Variants in PCDHB2 observed in about 807,000 individuals in gnomAD.
PCDHB2 encodes protocadherin beta-2.
For missense variants in PCDHB2, 914 were observed against 1,023.1 expected, an observed-to-expected ratio of 0.89 and a Z score of 1.45; for synonymous variants, 395 against 464.9, an observed-to-expected ratio of 0.85 and a Z score of 1.93.
In PCDHB2 at chr5:141,094,760, TGGAG is replaced by T; in HGVS notation, c.-30_-27del. The T allele has an allele frequency of 6.7e-7, 1 of 1,502,094 alleles. No homozygotes were observed. Among genetic ancestry groups the T allele is most frequent in the South Asian group, 1.3e-5 (1 of 75,808 alleles). The allele number at this position is 1,502,094 out of a possible 1,614,324, so 93.0% of individuals were successfully genotyped here. On this transcript the variant is annotated 5_prime_UTR_variant, in exon 1 of 1. Transcript: ENST00000194155. Reference sequence around the variant, plus strand: ...AGTTAGCGACAACGTGAGCCAGAGCTGGAGCACGTTTGGTGAGAGACCAGAAAGC... The same window carrying T: ...AGTTAGCGACAACGTGAGCCAGAGCTCACGTTTGGTGAGAGACCAGAAAGC...
chr5:141,098,342 G>A lies in PCDHB2; in HGVS notation c.*1155G>A, dbSNP rs1291532185. The A allele has an allele frequency of 6.6e-6, 1 of 151,972 alleles. No individual in the cohort carries two copies. Among genetic ancestry groups the A allele is most frequent in the Non-Finnish European group, 1.5e-5 (1 of 67,992 alleles). 9.4% of individuals were successfully genotyped at this position (151,972 alleles called of 1,614,324 possible). ...AAAATTTGAGGGAGTACATGTCTTT[G>A]TCCTTTACCTTTAGAACCCTCAAAC... On this transcript the variant is annotated 3_prime_UTR_variant, in exon 1 of 1. Coordinates refer to ENST00000194155, the MANE Select transcript of PCDHB2 (RefSeq NM_018936.4).
In PCDHB2 at chr5:141,096,887, G is replaced by A; in HGVS notation, c.2097G>A (p.Val699=). 1 of 1,611,926 alleles carries A rather than the reference G, an allele frequency of 6.2e-7. No individual in the cohort carries two copies. The highest frequency in any genetic ancestry group is 8.5e-7 in the Non-Finnish European group (1 of 1,179,822). ...ACCTGGTGGTGGCGTTGGCCTCGGT[G>A]TCTTCGCTCTTCCTCTTCTCGGTGC... ...TVYLVVALAS[V]SSLFLFSVLL... is the part of the protein sequence containing the mutation. The change falls in exon 1 of 1, where the codon GTG becomes GTA. Residue 699 remains valine (V), a synonymous_variant. Coordinates refer to ENST00000194155, the MANE Select transcript of PCDHB2 (RefSeq NM_018936.4).
rs782192119 is a variant in PCDHB2, at chr5:141,096,441, G to C, written c.1651G>C (p.Val551Leu). 19 of 1,611,234 alleles carry C rather than the reference G, an allele frequency of 1.2e-5. No individual in the cohort carries two copies. The highest frequency in any genetic ancestry group is 1.5e-5 in the Non-Finnish European group (18 of 1,179,422). ...PALSSEALVR[V>L]LVLDANDNSP... is the part of the protein sequence containing the mutation. ...GTTGAGCAGCGAGGCGCTGGTGCGC[G>C]TGCTGGTGCTGGACGCCAACGACAA... The change falls in exon 1 of 1, where the codon GTG becomes CTG. Residue 551 changes from valine to leucine, a missense_variant. Physicochemically the swap from Val to Leu is conservative, Grantham distance 32. Transcript: ENST00000194155.
At position 141,098,541 on chromosome 5, in the gene PCDHB2, G is replaced by A. The variant is rs1229399124; in HGVS notation, c.*1354G>A. ...CTTTTCAATGCTTTTTTATAAAGGTGCTTGAGTTCTGTTTCTCAACAGCTC... is the reference window on the plus strand; with the variant it reads ...CTTTTCAATGCTTTTTTATAAAGGTACTTGAGTTCTGTTTCTCAACAGCTC... On this transcript the variant is annotated 3_prime_UTR_variant, in exon 1 of 1. Coordinates refer to ENST00000194155, the MANE Select transcript of PCDHB2 (RefSeq NM_018936.4). 5 of 151,974 alleles carry A rather than the reference G, an allele frequency of 3.3e-5. No homozygotes were observed. The highest frequency in any genetic ancestry group is 1.2e-4 in the African/African-American group (5 of 41,354). The allele number at this position is 151,974 out of a possible 1,614,324, so 9.4% of individuals were successfully genotyped here. A position where few individuals can be genotyped will look rare whatever the true frequency, so the allele number is the denominator to read the frequency against.
chr5:141,094,917 A>G lies in PCDHB2; in HGVS notation c.127A>G (p.Ser43Gly). 6.2e-7 allele frequency: 1 copy of G among 1,614,166 alleles called. No homozygotes were observed. Among genetic ancestry groups the G allele is most frequent in the Non-Finnish European group, 8.5e-7 (1 of 1,180,036 alleles). Residue 43 changes from serine (S) to glycine (G), a missense_variant, in exon 1 of 1, where the codon AGT becomes GGT. Transcript: ENST00000194155. The stretch of plus-strand genomic sequence containing the variant: ...CTATTCAGTGGCCGAGGAAACGGAG[A>G]GTGGCTCCTTTGTGGCCAATTTGTT... Reference protein sequence around the residue: ...RHYSVAEETESGSFVANLLKD... With the variant: ...RHYSVAEETEGGSFVANLLKD...
In PCDHB2 at chr5:141,098,658, C is replaced by G. The variant is rs1276462960; in HGVS notation, c.*1471C>G. On this transcript the variant is annotated 3_prime_UTR_variant, in exon 1 of 1. Coordinates refer to ENST00000194155, the MANE Select transcript of PCDHB2 (RefSeq NM_018936.4). ...ATTGAAAGAGAGAAAAGTATTTTAC[C>G]TGTGATATATTGATATTTAAATAAA... The G allele has an allele frequency of 6.6e-6, 1 of 152,062 alleles. No individual in the cohort carries two copies. The highest frequency in any genetic ancestry group is 1.5e-5 in the Non-Finnish European group (1 of 68,006). 9.4% of individuals were successfully genotyped at this position (152,062 alleles called of 1,614,324 possible).
rs1554271603 is a variant in PCDHB2 at position 141,096,692 on chromosome 5, G to T, written c.1902G>T (p.Glu634Asp). Reference protein sequence around the residue: ...GEVRTARLLRERDAAKQRLVV... With the variant: ...GEVRTARLLRDRDAAKQRLVV... ...TGCGCACCGCCAGGCTGCTGAGGGA[G>T]CGCGACGCTGCCAAGCAGAGGCTGG... is the stretch of plus-strand genomic sequence containing the variant. The change falls in exon 1 of 1, where the codon GAG becomes GAT. Residue 634 changes from glutamate to aspartate, a missense_variant. Transcript: ENST00000194155. The T allele has an allele frequency of 2.5e-6, 4 of 1,610,584 alleles. No individual in the cohort carries two copies. Among genetic ancestry groups the T allele is most frequent in the South Asian group, 1.1e-5 (1 of 90,976 alleles).
rs782738716 is a variant in PCDHB2, at chr5:141,096,287, C to T, written c.1497C>T (p.His499=). Residue 499 remains histidine (H), a synonymous_variant, in exon 1 of 1, where the codon CAC becomes CAT. Transcript: ENST00000194155. ...CGCTGCTGCCGCCCCAGGACCCGCACCTGCCCCTCGCCTCCCTGGTCTCCA... is the reference window on the plus strand; with the variant it reads ...CGCTGCTGCCGCCCCAGGACCCGCATCTGCCCCTCGCCTCCCTGGTCTCCA... ...TYSLLPPQDP[H]LPLASLVSIN... The T allele has an allele frequency of 3.1e-6, 5 of 1,613,360 alleles. No individual in the cohort carries two copies. The South Asian group carries it at 5.5e-5, about 18-fold the overall frequency.
Position 141,095,218 on chromosome 5 carries a change from A to T in PCDHB2, c.428A>T (p.Lys143Ile). ...TTCCTAGACAAAGAAATACTTTTGA[A>T]AATTCCAGAAAGTATCACTCCTGGA... is the stretch of plus-strand genomic sequence containing the variant. ...PVFLDKEILL[K>I]IPESITPGTT... Residue 143 changes from lysine (K) to isoleucine (I), a missense_variant, in exon 1 of 1, where the codon AAA becomes ATA. Coordinates refer to ENST00000194155, the MANE Select transcript of PCDHB2 (RefSeq NM_018936.4). 1 of 1,612,002 alleles carries T rather than the reference A, an allele frequency of 6.2e-7. No individual in the cohort carries two copies. The highest frequency in any genetic ancestry group is 1.3e-5 in the African/African-American group (1 of 74,896).
Position 141,095,444 on chromosome 5 carries a change from T to C in PCDHB2, c.654T>C (p.Asp218=), listed in dbSNP as rs974686643. The C allele has an allele frequency of 2.5e-6, 4 of 1,614,026 alleles. No individual in the cohort carries two copies. Among genetic ancestry groups the C allele is most frequent in the Admixed American group, 1.7e-5 (1 of 60,010 alleles). ...TCAGGTTAACCCTCACAGCGCTAGA[T>C]GGCGGGAGTCCACCCAGGTCCGGCA... ...PEIRLTLTAL[D]GGSPPRSGTA... is the part of the protein sequence containing the mutation. The change falls in exon 1 of 1, where the codon GAT becomes GAC. Residue 218 remains aspartate (D), a synonymous_variant. Coordinates refer to ENST00000194155, the MANE Select transcript of PCDHB2 (RefSeq NM_018936.4).
chr5:141,094,754 C>T lies in PCDHB2; in HGVS notation c.-37C>T. 6.7e-7 allele frequency: 1 copy of T among 1,482,470 alleles called. No homozygotes were observed. The highest frequency in any genetic ancestry group is 9.1e-7 in the Non-Finnish European group (1 of 1,100,494). 91.8% of individuals were successfully genotyped at this position (1,482,470 alleles called of 1,614,324 possible). A position where few individuals can be genotyped will look rare whatever the true frequency, so the allele number is the denominator to read the frequency against. On this transcript the variant is annotated 5_prime_UTR_variant, in exon 1 of 1. Coordinates refer to ENST00000194155, the MANE Select transcript of PCDHB2 (RefSeq NM_018936.4). ...AGATAGAGTTAGCGACAACGTGAGC[C>T]AGAGCTGGAGCACGTTTGGTGAGAG...
In PCDHB2 at chr5:141,096,839, C is replaced by T. The variant is rs146418411; in HGVS notation, c.2049C>T (p.Ala683=). Residue 683 remains alanine, a synonymous_variant, in exon 1 of 1, where the codon GCC becomes GCT. Transcript: ENST00000194155. ...LLLPEAAPAQ[A]QADLLTVYLV... ...TCCCGGAGGCGGCACCGGCCCAGGC[C>T]CAGGCCGACTTGCTCACCGTCTACC... 7.4e-6 allele frequency: 12 copies of T among 1,611,014 alleles called. No homozygotes were observed. In the African/African-American group the frequency reaches 1.3e-4, roughly 18 times the overall value.
chr5:141,097,044 C>T lies in PCDHB2; in HGVS notation c.2254C>T (p.Gln752Ter). ...CACCGGGACCCTGTCCCAGAGCTAC[C>T]AGTACGAGGTGTGTCTGACTGGAGG... ...SGTGTLSQSY[Q>*]YEVCLTGGSG... The change falls in exon 1 of 1, where the codon CAG becomes TAG. Residue 752 changes from glutamine (Q) to a stop codon, truncating the protein, a stop_gained. Transcript: ENST00000194155. LOFTEE classifies it low-confidence loss of function (END_TRUNC). 1.2e-6 allele frequency: 2 copies of T among 1,613,896 alleles called. No homozygotes were observed. The highest frequency in any genetic ancestry group is 8.5e-7 in the Non-Finnish European group (1 of 1,179,824).
In PCDHB2 at chr5:141,095,245, C is replaced by G; in HGVS notation, c.455C>G (p.Thr152Ser). The change falls in exon 1 of 1, where the codon ACT becomes AGT. Residue 152 changes from threonine to serine, a missense_variant. By Grantham distance (58) the Thr-to-Ser change is moderately conservative. Coordinates refer to ENST00000194155, the MANE Select transcript of PCDHB2 (RefSeq NM_018936.4). ...ATTCCAGAAAGTATCACTCCTGGAA[C>G]TACTTTCTTAATAGAACGTGCCCAG... Reference protein sequence around the residue: ...LKIPESITPGTTFLIERAQDL... With the variant: ...LKIPESITPGSTFLIERAQDL... 1 of 1,613,890 alleles carries G rather than the reference C, an allele frequency of 6.2e-7. No homozygotes were observed. The highest frequency in any genetic ancestry group is 8.5e-7 in the Non-Finnish European group (1 of 1,179,828).
rs1287292730 is a variant in PCDHB2 at position 141,098,023 on chromosome 5, GTTGACATATGAAAAGTA to G, written c.*839_*855del. The G allele has an allele frequency of 6.6e-6, 1 of 152,182 alleles. No individual in the cohort carries two copies. Among genetic ancestry groups the G allele is most frequent in the African/African-American group, 2.4e-5 (1 of 41,436 alleles). The allele number at this position is 152,182 out of a possible 1,614,324, so 9.4% of individuals were successfully genotyped here. On this transcript the variant is annotated 3_prime_UTR_variant, in exon 1 of 1. Transcript: ENST00000194155. Reference sequence around the variant, plus strand: ...TCCAATATGTATACTTCTTTCAAGTGTTGACATATGAAAAGTATTAGTCTTTAGAGATTGTAAGAATT... The same window carrying G: ...TCCAATATGTATACTTCTTTCAAGTGTTAGTCTTTAGAGATTGTAAGAATT...
In PCDHB2 at chr5:141,096,257, C is replaced by T. The variant is rs1554271446; in HGVS notation, c.1467C>T (p.Thr489=). ...DRDSGTNAQV[T]YSLLPPQDPH... ...ACTCGGGCACCAACGCCCAGGTCACCTACTCGCTGCTGCCGCCCCAGGACC... is the reference window on the plus strand; with the variant it reads ...ACTCGGGCACCAACGCCCAGGTCACTTACTCGCTGCTGCCGCCCCAGGACC... The change falls in exon 1 of 1, where the codon ACC becomes ACT. Residue 489 remains threonine (T), a synonymous_variant. Coordinates refer to ENST00000194155, the MANE Select transcript of PCDHB2 (RefSeq NM_018936.4). 1.2e-6 allele frequency: 2 copies of T among 1,613,138 alleles called. No homozygotes were observed. Among genetic ancestry groups the T allele is most frequent in the South Asian group, 1.1e-5 (1 of 91,028 alleles).
At position 141,096,167 on chromosome 5, in the gene PCDHB2, C is replaced by T. The variant is rs17844374; in HGVS notation, c.1377C>T (p.Thr459=). Residue 459 remains threonine, a synonymous_variant, in exon 1 of 1, where the codon ACC becomes ACT. Transcript: ENST00000194155. ...CCGCCTTCACCCAAACCTCCTACAC[C>T]CTGTTCGTCCGCGAGAACAACAGCC... is the stretch of plus-strand genomic sequence containing the variant. ...NAPAFTQTSY[T]LFVRENNSPA... is the part of the protein sequence containing the mutation. 6.2e-6 allele frequency: 10 copies of T among 1,613,412 alleles called. No individual in the cohort carries two copies. The East Asian group carries it at 1.6e-4, about 25-fold the overall frequency.
chr5:141,097,355 A>G lies in PCDHB2; in HGVS notation c.*168A>G, dbSNP rs3776101. On this transcript the variant is annotated 3_prime_UTR_variant, in exon 1 of 1. Transcript: ENST00000194155. The stretch of plus-strand genomic sequence containing the variant: ...TGTATGAGTTTTTTTGCGGTATAAT[A>G]AATGTAAATTTTCTTTGTATTCTAA... 53,317 of 723,582 alleles carry G rather than the reference A, an allele frequency of 0.074. 2,247 individuals are homozygous for G. The highest frequency in any genetic ancestry group is 0.12 in the South Asian group (3,663 of 30,446). The allele number at this position is 723,582 out of a possible 1,614,324, so 44.8% of individuals were successfully genotyped here.
Position 141,095,872 on chromosome 5 carries a change from A to G in PCDHB2, c.1082A>G (p.Asn361Ser). Residue 361 changes from asparagine (N) to serine (S), a missense_variant, in exon 1 of 1, where the codon AAC becomes AGC. Coordinates refer to ENST00000194155, the MANE Select transcript of PCDHB2 (RefSeq NM_018936.4). Reference sequence around the variant, plus strand: ...ACACTTATCAATCAGATCCCAGAAAACTTGCAGGACACCCTCATTGCTGTA... The same window carrying G: ...ACACTTATCAATCAGATCCCAGAAAGCTTGCAGGACACCCTCATTGCTGTA... ...MSTLINQIPE[N>S]LQDTLIAVFS... 6.2e-7 allele frequency: 1 copy of G among 1,613,940 alleles called. No individual in the cohort carries two copies. The highest frequency in any genetic ancestry group is 8.5e-7 in the Non-Finnish European group (1 of 1,179,932).
Sources: gnomAD v4.1 joint callset for allele counts on GRCh38, gnomAD v4.1.1 for gene constraint, MANE v1.5 for transcripts, NCBI Gene and HGNC (gene_info 2026-07-23, HGNC 2026-07-21) for gene names.